SGCG: variants seen among roughly 807,000 people sequenced by gnomAD.
The protein encoded by SGCG is sarcoglycan gamma.
SGCG carries 26 observed loss-of-function variants against 29.3 expected under a neutral mutation model. The ratio of observed to expected loss-of-function variants is 0.89; its 90% confidence interval spans 0.65 to 1.23. The LOEUF is 1.23. SGCG is among the 50% of genes most tolerant of loss of function. The pLI is 0.00. For synonymous variants in SGCG, 145 were observed against 129.7 expected (o/e 1.12, Z -0.80); for missense variants, 353 against 356.0 (o/e 0.99, Z 0.07).
intron 2 of SGCG, among the ~76,000 whole-genome samples, chr13:23,220,942 T>C (rs1385003691): frequency 6.6e-6 from 1 of 152,188 alleles, no homozygotes; most frequent in Non-Finnish European, 1.5e-5. Context: ...TCTGCATATA[T>C]GAGCAACCAG....
At chr13:23,245,373 G>A (rs904061793) in intron 3 of SGCG, 1 of 152,166 alleles carries the variant, frequency 6.6e-6, no homozygotes, top group Admixed American at 6.5e-5. Context: ...TAGACCTAAA[G>A]ATAGCGACGC....
intron 6 of SGCG, among the ~76,000 whole-genome samples, chr13:23,311,690 G>A (rs142845450): frequency 6.6e-6 from 1 of 152,334 alleles, no homozygotes; most frequent in African/African-American, 2.4e-5. Context: ...CACCTCATGT[G>A]CGTATTCAGG....
the SGCG span, among the ~76,000 whole-genome samples, chr13:23,162,683 T>C: frequency 1.3e-5 from 2 of 151,510 alleles, no homozygotes; most frequent in Admixed American, 6.6e-5. Flanking sequence ...ATACAAAAAT[T>C]ATCTGGGTGT....
upstream of SGCG, among the ~76,000 whole-genome samples, chr13:23,176,135 CT>C: frequency 6.6e-6 from 1 of 152,252 alleles, no homozygotes; most frequent in South Asian, 2.1e-4. Context: ...ACTTTTATTA[CT>C]GTTATACTGA....
At chr13:23,294,747 T>C (rs894490762) in intron 5 of SGCG, among the ~76,000 whole-genome samples, 1 of 152,210 alleles carries the variant, frequency 6.6e-6, no homozygotes, top group South Asian at 2.1e-4. Flanking sequence ...GCACGTTAAT[T>C]AACCTTTCTC....
intron 4 of SGCG, among the ~76,000 whole-genome samples, chr13:23,261,542 T>A (rs537706532): frequency 1.3e-5 from 2 of 152,170 alleles, no homozygotes; most frequent in African/African-American, 4.8e-5. Flanking sequence ...ATCTTAGGTG[T>A]CCTGAGAGAA....
chr13:23,168,736 A>G, the SGCG span, among the ~76,000 whole-genome samples: 3 of 152,224 alleles, frequency 2.0e-5, no homozygotes, highest in African/African-American at 7.2e-5. Context: ...GCCTGCTCAC[A>G]TACATGACAG....
intron 5 of SGCG, among the ~76,000 whole-genome samples, chr13:23,287,282 G>T (rs1293048771): frequency 2.0e-5 from 3 of 152,244 alleles, no homozygotes; most frequent in African/African-American, 4.8e-5. Context: ...ATTCACTGCT[G>T]TGTTGCTGAA....
intron 2 of SGCG, among the ~76,000 whole-genome samples, chr13:23,230,490 A>C (rs1311503374): frequency 6.6e-6 from 1 of 151,960 alleles, no homozygotes; most frequent in African/African-American, 2.4e-5. Context: ...CATTGTAGGG[A>C]TCTTTCACCC....
the SGCG span, among the ~76,000 whole-genome samples, chr13:23,166,228 T>C: frequency 6.6e-6 from 1 of 152,032 alleles, no homozygotes. Context: ...CCGAGAGTTT[T>C]GTTTGTTTGT....
intron 5 of SGCG, among the ~76,000 whole-genome samples, chr13:23,279,734 T>TCCTTCCTTCCTTCC (rs1423308565): frequency 2.0e-5 from 2 of 101,372 alleles, no homozygotes; most frequent in East Asian, 2.4e-4. Context: ...TTCCTTCTTT[T>TCCTTCCTTCCTTCC]TTTTTTCTTT....
chr13:23,200,829 T>C (rs1237418654), intron 1 of SGCG, among the ~76,000 whole-genome samples: 1 of 152,066 alleles, frequency 6.6e-6, no homozygotes, highest in African/African-American at 2.4e-5. Context: ...GTGGGAATTA[T>C]AACTGTGGAG....
At chr13:23,291,347 AAG>A (rs5802225) in intron 5 of SGCG, among the ~76,000 whole-genome samples, 34,738 of 151,988 alleles carry the variant, frequency 0.23, 4,103 homozygotes, top group South Asian at 0.38. Context: ...ATTTTCCACA[AAG>A]AAGAGGTATT....
chr13:23,243,545 A>C (rs1879588797), intron 3 of SGCG: 1 of 152,262 alleles, frequency 6.6e-6, no homozygotes, highest in South Asian at 2.1e-4. Flanking sequence ...AGGGTTTGAA[A>C]GTGACTGTTG....
At chr13:23,196,256 A>C (rs1877503619) in intron 1 of SGCG, among the ~76,000 whole-genome samples, 1 of 152,132 alleles carries the variant, frequency 6.6e-6, no homozygotes, top group Non-Finnish European at 1.5e-5. Context: ...TGGTAAATTA[A>C]AGATCTTTAG....
chr13:23,203,148 A>G (rs1342320792), intron 1 of SGCG, among the ~76,000 whole-genome samples: 1 of 151,984 alleles, frequency 6.6e-6, no homozygotes, highest in Non-Finnish European at 1.5e-5. Context: ...TTTAGTAGAG[A>G]CGGGGTGTCA....
intron 1 of SGCG, among the ~76,000 whole-genome samples, chr13:23,182,440 T>G (rs1876776499): frequency 6.6e-6 from 1 of 152,014 alleles, no homozygotes; most frequent in African/African-American, 2.4e-5. Flanking sequence ...ACCTTGACCT[T>G]CATGACACCT....
chr13:23,192,678 G>T (rs1006532088), intron 1 of SGCG, among the ~76,000 whole-genome samples: 3 of 152,222 alleles, frequency 2.0e-5, no homozygotes, highest in Non-Finnish European at 2.9e-5. Flanking sequence ...TTACAGGCGT[G>T]AGCCATGGCG....
intron 1 of SGCG, among the ~76,000 whole-genome samples, chr13:23,197,765 C>T (rs962677726): frequency 6.6e-6 from 1 of 151,958 alleles, no homozygotes; most frequent in East Asian, 1.9e-4. Flanking sequence ...TGGAAGTAAC[C>T]GGAGAAAATA....
Sources: allele counts gnomAD v4.1 joint callset (sites outside exome capture counted in the v4.1 genomes callset), GRCh38; gene constraint gnomAD v4.1.1; transcripts MANE v1.5; gene names NCBI Gene and HGNC (gene_info 2026-07-23, HGNC 2026-07-21).